MAD2L1: variants seen among roughly 807,000 people sequenced by gnomAD.
The protein encoded by MAD2L1 is mitotic arrest deficient 2 like 1, also known as mitotic spindle assembly checkpoint protein MAD2A.
Under a neutral mutation model 25.9 loss-of-function variants are expected in MAD2L1, and 10 were observed. The observed-to-expected ratio is 0.39, with a 90% CI of 0.24 to 0.66. The LOEUF (loss-of-function observed/expected upper bound fraction) is 0.66. Ranked by LOEUF, MAD2L1 falls within the 30% of genes least tolerant of loss-of-function variation. MAD2L1 has a pLI of 0.49. For synonymous variants in MAD2L1, 81 were observed against 91.8 expected, an observed-to-expected ratio of 0.88 and a Z score of 0.67; for missense variants, 180 against 246.4, an observed-to-expected ratio of 0.73 and a Z score of 1.80.
In MAD2L1 at chr4:120,056,806, A is replaced by T. The variant is rs1289241841; in HGVS notation, c.*3312T>A. The stretch of plus-strand genomic sequence containing the variant: ...CACATGCCAAAGAACCTCCCTTAAC[A>T]AGTTTTCAGATCAAATTGTGAACTG... On this transcript the variant is annotated 3_prime_UTR_variant, in exon 5 of 5. Transcript: ENST00000296509. 2 of 152,100 alleles carry T rather than the reference A, an allele frequency of 1.3e-5. No individual in the cohort carries two copies. Among genetic ancestry groups the T allele is most frequent in the Non-Finnish European group, 2.9e-5 (2 of 68,022 alleles). 9.4% of individuals were successfully genotyped at this position (152,100 alleles called of 1,614,324 possible).
At position 120,058,393 on chromosome 4, in the gene MAD2L1, A is replaced by T. The variant is rs1726147036; in HGVS notation, c.*1725T>A. 6.6e-6 allele frequency: 1 copy of T among 152,100 alleles called. No homozygotes were observed. The highest frequency in any genetic ancestry group is 2.4e-5 in the African/African-American group (1 of 41,422). The allele number at this position is 152,100 out of a possible 1,614,324, so 9.4% of individuals were successfully genotyped here. Reference sequence around the variant, plus strand: ...ACGCCTGTAATCCCAATGCTTTGTGAGGTCAAGGCGGGCAGATCATGAGGT... The same window carrying T: ...ACGCCTGTAATCCCAATGCTTTGTGTGGTCAAGGCGGGCAGATCATGAGGT... On this transcript the variant is annotated 3_prime_UTR_variant, in exon 5 of 5. Transcript: ENST00000296509.
Position 120,066,676 on chromosome 4 carries a change from A to G in MAD2L1, c.59T>C (p.Val20Ala). The change falls in exon 1 of 5, where the codon GTG becomes GCG. Residue 20 changes from valine to alanine, a missense_variant. Coordinates refer to ENST00000296509, the MANE Select transcript of MAD2L1 (RefSeq NM_002358.4). Reference sequence around the variant, plus strand: ...CGAGAACTTACAGAAGAACTCGGCCACGATTTCGGCGCTCCCGCGCAGGGT... The same window carrying G: ...CGAGAACTTACAGAAGAACTCGGCCGCGATTTCGGCGCTCCCGCGCAGGGT... The part of the protein sequence containing the change: ...GITLRGSAEI[V>A]AEFFSFGINS... The G allele has an allele frequency of 6.2e-7, 1 of 1,603,978 alleles. No homozygotes were observed. The highest frequency in any genetic ancestry group is 8.5e-7 in the Non-Finnish European group (1 of 1,173,124).
intron 3 of MAD2L1, among the ~76,000 whole-genome samples, chr4:120,061,225 G>A (rs1726211434): frequency 6.6e-6 from 1 of 151,966 alleles, no homozygotes; most frequent in Non-Finnish European, 1.5e-5. Context: ...CTTAGTGTCA[G>A]GTCATTTAGT....
rs1726147628 is a variant in MAD2L1, at chr4:120,058,432, C to G, written c.*1686G>C. The G allele has an allele frequency of 6.6e-6, 1 of 152,064 alleles. No individual in the cohort carries two copies. The highest frequency in any genetic ancestry group is 2.4e-5 in the African/African-American group (1 of 41,408). 9.4% of individuals were successfully genotyped at this position (152,064 alleles called of 1,614,324 possible). A position where few individuals can be genotyped will look rare whatever the true frequency, so the allele number is the denominator to read the frequency against. On this transcript the variant is annotated 3_prime_UTR_variant, in exon 5 of 5. Transcript: ENST00000296509. ...AGATCATGAGGTCAGGAGTTCAAGA[C>G]TAGCCTGGCCAACATGGTGAAACCC...
chr4:120,060,835 C>A, intron 4 of MAD2L1, 39 bp downstream of exon 4: 1 of 1,326,440 alleles, frequency 7.5e-7, no homozygotes, highest in Non-Finnish European at 1.1e-6. Flanking sequence ...GTCTTTTTGC[C>A]AATCAATTTA....
At chr4:120,061,726 C>T (rs1248951217) in intron 3 of MAD2L1, among the ~76,000 whole-genome samples, 1 of 151,866 alleles carries the variant, frequency 6.6e-6, no homozygotes, top group Non-Finnish European at 1.5e-5. Context: ...ACCATAAATA[C>T]TGTTTGAAAA....
At chr4:120,060,374 T>C (rs1165311412) in intron 4 of MAD2L1, 84 bp from the exon 5 acceptor site, 7 of 1,116,818 alleles carry the variant, frequency 6.3e-6, no homozygotes, top group Non-Finnish European at 8.6e-6. Context: ...TTTGAACCAC[T>C]CACTGCTGGA....
At position 120,060,253 on chromosome 4, in the gene MAD2L1, C is replaced by G; in HGVS notation, c.483G>C (p.Leu161Phe). Reference sequence around the variant, plus strand: ...ACTCTTCCCATTTTTCAGGTACAACCAAATCTTTGTCTGTATAAATCAGCA... The same window carrying G: ...ACTCTTCCCATTTTTCAGGTACAACGAAATCTTTGTCTGTATAAATCAGCA... ...FDLLIYTDKD[L>F]VVPEKWEESG... Residue 161 changes from leucine (L) to phenylalanine (F), a missense_variant, in exon 5 of 5, where the codon TTG (leucine) becomes TTC (phenylalanine). By Grantham distance (22) the Leu-to-Phe change is conservative. Coordinates refer to ENST00000296509, the MANE Select transcript of MAD2L1 (RefSeq NM_002358.4). The G allele has an allele frequency of 1.2e-6, 2 of 1,612,744 alleles. No individual in the cohort carries two copies. The highest frequency in any genetic ancestry group is 1.7e-6 in the Non-Finnish European group (2 of 1,179,132).
intron 2 of MAD2L1, 88 bp downstream of exon 2, chr4:120,065,584 G>T: frequency 8.7e-7 from 1 of 1,153,366 alleles, no homozygotes; most frequent in Non-Finnish European, 1.3e-6. Context: ...TGAGATGTCA[G>T]TACACTTCTA....
At chr4:120,061,831 A>G in intron 3 of MAD2L1, 144 bp downstream of exon 3, 1 of 601,560 alleles carries the variant, frequency 1.7e-6, no homozygotes, top group Non-Finnish European at 2.8e-6. Flanking sequence ...TCCATAGGTG[A>G]CTGAGGATAT....
At chr4:120,065,993 G>A (rs1726308741) in intron 1 of MAD2L1, among the ~76,000 whole-genome samples, 175 bp from the exon 2 acceptor site, 1 of 151,634 alleles carries the variant, frequency 6.6e-6, no homozygotes, top group South Asian at 2.1e-4. Context: ...ATCCTTAAAA[G>A]TCTTGCTTCT....
chr4:120,066,725 G>A lies in MAD2L1; in HGVS notation c.10C>T (p.Gln4Ter). Residue 4 changes from glutamine to a stop codon, truncating the protein, a stop_gained, in exon 1 of 5, where the codon CAG becomes TAG. Coordinates refer to ENST00000296509, the MANE Select transcript of MAD2L1 (RefSeq NM_002358.4). LOFTEE classifies it high-confidence loss of function. ...GTGATTCCCTGCTCCCGGGAGAGCT[G>A]CAGCGCCATGGCCAGGGACACAAAC... is the stretch of plus-strand genomic sequence containing the variant. MAL[Q>*]LSREQGITLR... is the part of the protein sequence containing the mutation. The A allele has an allele frequency of 1.2e-6, 2 of 1,600,406 alleles. No homozygotes were observed. Among genetic ancestry groups the A allele is most frequent in the Non-Finnish European group, 1.7e-6 (2 of 1,170,510 alleles).
At chr4:120,061,105 G>A (rs1726209579) in intron 3 of MAD2L1, 128 bp from the exon 4 acceptor site, 1 of 583,896 alleles carries the variant, frequency 1.7e-6, no homozygotes, top group Non-Finnish European at 3.1e-6. Flanking sequence ...TTTGAGAAAG[G>A]AGGTTTGTAA....
At position 120,057,439 on chromosome 4, in the gene MAD2L1, C is replaced by T. The variant is rs1014812875; in HGVS notation, c.*2679G>A. On this transcript the variant is annotated 3_prime_UTR_variant, in exon 5 of 5. Coordinates refer to ENST00000296509, the MANE Select transcript of MAD2L1 (RefSeq NM_002358.4). ...AAGGTGCAGCAAAAGCCAACCAATA[C>T]ATGAGACTGTTATACCTCTGCACAA... 6.6e-6 allele frequency: 1 copy of T among 152,268 alleles called. No individual in the cohort carries two copies. Among genetic ancestry groups the T allele is most frequent in the Non-Finnish European group, 1.5e-5 (1 of 68,090 alleles). The allele number at this position is 152,268 out of a possible 1,614,324, so 9.4% of individuals were successfully genotyped here. A position where few individuals can be genotyped will look rare whatever the true frequency, so the allele number is the denominator to read the frequency against.
In MAD2L1 at chr4:120,059,920, C is replaced by G; in HGVS notation, c.*198G>C. On this transcript the variant is annotated 3_prime_UTR_variant, in exon 5 of 5. Coordinates refer to ENST00000296509, the MANE Select transcript of MAD2L1 (RefSeq NM_002358.4). ...CCTTTTGAACAATGTGCAATAAATT[C>G]ATGATGTTAACTCCATGGTAAGTCA... 4.7e-6 allele frequency: 2 copies of G among 426,810 alleles called. No individual in the cohort carries two copies. Among genetic ancestry groups the G allele is most frequent in the South Asian group, 1.3e-4 (2 of 15,162 alleles). The allele number at this position is 426,810 out of a possible 1,614,324, so 26.4% of individuals were successfully genotyped here. A position where few individuals can be genotyped will look rare whatever the true frequency, so the allele number is the denominator to read the frequency against.
chr4:120,061,010 T>C (rs1007448386), intron 3 of MAD2L1, 33 bp from the exon 4 acceptor site: 4 of 1,283,922 alleles, frequency 3.1e-6, no homozygotes, highest in African/African-American at 1.5e-5. Context: ...ATTAATTCAT[T>C]TCAGGTCTTA....
At chr4:120,062,224 A>T (rs1726233086) in intron 2 of MAD2L1, 129 bp from the exon 3 acceptor site, 2 of 747,904 alleles carry the variant, frequency 2.7e-6, no homozygotes, top group East Asian at 5.3e-5. Flanking sequence ...CCTATGTGCA[A>T]GAAAATTTGC....
chr4:120,065,949 C>T lies in MAD2L1; in HGVS notation c.74-131G>A. 3.6e-6 allele frequency: 3 copies of T among 828,490 alleles called. No homozygotes were observed. The South Asian group carries it at 6.7e-5, about 19-fold the overall frequency. 51.3% of individuals were successfully genotyped at this position (828,490 alleles called of 1,614,324 possible). A position where few individuals can be genotyped will look rare whatever the true frequency, so the allele number is the denominator to read the frequency against. On this transcript the variant is annotated intron_variant, in intron 1 of 4. Coordinates refer to ENST00000296509, the MANE Select transcript of MAD2L1 (RefSeq NM_002358.4). The stretch of plus-strand genomic sequence containing the variant: ...AATGACTGAACACACGTGTATCTTG[C>T]TGAAAGCAGAGTAGGTACAAAGTGG...
chr4:120,062,057 C>T lies in MAD2L1; in HGVS notation c.259G>A (p.Val87Ile). ...TCACCACTTTCAATATTTGAGATAACTACAACCAGTTTCTGAACTGAACAC... is the reference window on the plus strand; with the variant it reads ...TCACCACTTTCAATATTTGAGATAATTACAACCAGTTTCTGAACTGAACAC... The part of the protein sequence containing the change: ...YKCSVQKLVV[V>I]ISNIESGEVL... The change falls in exon 3 of 5, where the codon GTT (valine) becomes ATT (isoleucine). Residue 87 changes from valine to isoleucine, a missense_variant. Coordinates refer to ENST00000296509, the MANE Select transcript of MAD2L1 (RefSeq NM_002358.4). The T allele has an allele frequency of 5.6e-6, 9 of 1,612,746 alleles. No homozygotes were observed. The highest frequency in any genetic ancestry group is 1.1e-5 in the South Asian group (1 of 90,918).
Sources: allele counts gnomAD v4.1 joint callset (sites outside exome capture counted in the v4.1 genomes callset), GRCh38; gene constraint gnomAD v4.1.1; transcripts MANE v1.5; gene names NCBI Gene and HGNC (gene_info 2026-07-23, HGNC 2026-07-21).